SLC4A5: variants seen among roughly 807,000 people sequenced by gnomAD.
SLC4A5 encodes electrogenic sodium bicarbonate cotransporter 4.
A neutral mutation model predicts 120.4 loss-of-function variants in SLC4A5; 96 were observed. The ratio of observed to expected loss-of-function variants is 0.80; its 90% CI spans 0.68 to 0.94. The LOEUF (loss-of-function observed/expected upper bound fraction) is 0.94, where lower values mean the gene tolerates loss of function less well. Among genes scored for constraint, SLC4A5 ranks in the 40% least tolerant of loss-of-function variants. SLC4A5 has a pLI of 0.00. For synonymous variants in SLC4A5, 550 were observed against 571.1 expected (o/e 0.96, Z 0.53); for missense variants, 1,259 against 1,459.5 (o/e 0.86, Z 2.24).
At chr2:74,342,768 C>T (rs1474478617) in intron 1 of SLC4A5, among the ~76,000 whole-genome samples, 3 of 152,166 alleles carry the variant, frequency 2.0e-5, no homozygotes, top group Non-Finnish European at 2.9e-5. Flanking sequence ...TCCCTAAAGA[C>T]CTCAAGAAAC....
chr2:74,312,665 G>A (rs1672843197), intron 6 of SLC4A5, among the ~76,000 whole-genome samples: 1 of 152,170 alleles, frequency 6.6e-6, no homozygotes, highest in Non-Finnish European at 1.5e-5. Context: ...GGGTGCAGTG[G>A]CTCATGCCTG....
At chr2:74,283,363 G>A (rs931325755) in intron 8 of SLC4A5, among the ~76,000 whole-genome samples, 3 of 152,292 alleles carry the variant, frequency 2.0e-5, no homozygotes, top group Middle Eastern at 3.4e-3. Flanking sequence ...GCCGTGAATC[G>A]ATCAGCACCG....
intron 18 of SLC4A5, among the ~76,000 whole-genome samples, chr2:74,247,519 T>C (rs925499615): frequency 7.0e-6 from 1 of 142,584 alleles, no homozygotes; most frequent in Non-Finnish European, 1.5e-5. Context: ...TTATAAGAAC[T>C]TTTTTTTTTT....
chr2:74,227,614 G>C lies in SLC4A5; in HGVS notation c.2916+196C>G, dbSNP rs77163905. Reference sequence around the variant, plus strand: ...TAATTACATAGATTCAATTATATGAGGCCTATGAAGTGCCTAACATATTTA... The same window carrying C: ...TAATTACATAGATTCAATTATATGACGCCTATGAAGTGCCTAACATATTTA... On this transcript the variant is annotated intron_variant, in intron 26 of 30. Transcript: ENST00000394019. The C allele has an allele frequency of 1.7e-4, 242 of 1,422,828 alleles. 1 individual carries two copies. In the East Asian group the frequency reaches 5.4e-3, roughly 31 times the overall value. 88.1% of individuals were successfully genotyped at this position (1,422,828 alleles called of 1,614,324 possible). A position where few individuals can be genotyped will look rare whatever the true frequency, so the allele number is the denominator to read the frequency against.
At chr2:74,248,184 G>T (rs531302001) in intron 18 of SLC4A5, among the ~76,000 whole-genome samples, 169 bp downstream of exon 18, 3 of 152,334 alleles carry the variant, frequency 2.0e-5, no homozygotes, top group African/African-American at 7.2e-5. Context: ...TTAAAGGCAG[G>T]TAGCTGGCAG....
Position 74,264,995 on chromosome 2 carries a change from G to T in SLC4A5, c.562+109C>A, listed in dbSNP as rs916994692. On this transcript the variant is annotated intron_variant, in intron 9 of 30. Coordinates refer to ENST00000394019, the Ensembl canonical transcript of SLC4A5. Reference sequence around the variant, plus strand: ...TCAAAGCTGGTCTCTGCAGAATCAGGTGTCAGAGACGGGCCGTCACACAGA... The same window carrying T: ...TCAAAGCTGGTCTCTGCAGAATCAGTTGTCAGAGACGGGCCGTCACACAGA... 17 of 1,235,342 alleles carry T rather than the reference G, an allele frequency of 1.4e-5. No homozygotes were observed. In the African/African-American group the frequency reaches 2.1e-4, roughly 15 times the overall value. 76.5% of individuals were successfully genotyped at this position (1,235,342 alleles called of 1,614,324 possible). A position where few individuals can be genotyped will look rare whatever the true frequency, so the allele number is the denominator to read the frequency against.
chr2:74,232,216 G>C (rs915362206), intron 24 of SLC4A5, among the ~76,000 whole-genome samples: 3 of 152,144 alleles, frequency 2.0e-5, no homozygotes, highest in African/African-American at 7.2e-5. Flanking sequence ...ATGAGTGTCT[G>C]GCACGTGTGC....
In SLC4A5 at chr2:74,255,642, G is replaced by T. The variant is rs1176342773; in HGVS notation, c.1025+133C>A. The T allele has an allele frequency of 3.8e-6, 4 of 1,061,556 alleles. No individual in the cohort carries two copies. The highest frequency in any genetic ancestry group is 5.4e-6 in the Non-Finnish European group (4 of 744,624). 65.8% of individuals were successfully genotyped at this position (1,061,556 alleles called of 1,614,324 possible). ...CTCTAAAACTCTTCCCTAGTCAGAA[G>T]ATTTCCCTTCCCAGCAGCCTCCACG... On this transcript the variant is annotated intron_variant, in intron 13 of 30. Transcript: ENST00000394019. The surrounding 1 kb of genome is among the most constrained non-coding windows in gnomAD (Gnocchi z 4.0).
intron 15 of SLC4A5, 89 bp downstream of exon 15, chr2:74,252,885 G>A: frequency 2.0e-6 from 3 of 1,478,376 alleles, no homozygotes; most frequent in Non-Finnish European, 2.8e-6. Flanking sequence ...ACTATGCTGA[G>A]CCTCAGATGT....
At chr2:74,337,191 T>A (rs1006612020) in intron 3 of SLC4A5, among the ~76,000 whole-genome samples, 2 of 152,082 alleles carry the variant, frequency 1.3e-5, no homozygotes, top group Non-Finnish European at 2.9e-5. Flanking sequence ...TCTGTGGATC[T>A]GAGAGCAGGG....
chr2:74,325,566 G>T (rs184405331), intron 5 of SLC4A5, among the ~76,000 whole-genome samples: 2 of 152,238 alleles, frequency 1.3e-5, no homozygotes, highest in African/African-American at 4.8e-5. Flanking sequence ...CAACTATACT[G>T]CCCACCATAA....
chr2:74,219,963 G>C (rs944630190), intron 30 of SLC4A5, among the ~76,000 whole-genome samples: 5 of 152,130 alleles, frequency 3.3e-5, no homozygotes, highest in Non-Finnish European at 7.3e-5. Flanking sequence ...TGGGATAGCA[G>C]CTTTGCCTTA....
chr2:74,265,594 C>T (rs1463477342), intron 8 of SLC4A5, among the ~76,000 whole-genome samples: 1 of 152,166 alleles, frequency 6.6e-6, no homozygotes, highest in Non-Finnish European at 1.5e-5. Context: ...AGTACACTTA[C>T]AATTAGAGAA....
chr2:74,324,466 AT>A (rs1673172009), intron 5 of SLC4A5, among the ~76,000 whole-genome samples: 1 of 152,188 alleles, frequency 6.6e-6, no homozygotes, highest in Admixed American at 6.5e-5. Context: ...AGAGTGCCTG[AT>A]TCCATAGCTC....
In SLC4A5 at chr2:74,235,008, G is replaced by A. The variant is rs547822430; in HGVS notation, c.2433+93C>T. The A allele has an allele frequency of 4.2e-5, 42 of 989,498 alleles. No individual in the cohort carries two copies. In the African/African-American group the frequency reaches 5.5e-4, roughly 13 times the overall value. The allele number at this position is 989,498 out of a possible 1,614,324, so 61.3% of individuals were successfully genotyped here. A position where few individuals can be genotyped will look rare whatever the true frequency, so the allele number is the denominator to read the frequency against. ...AGAACTAAAATGGTCTCTTGGCCAA[G>A]AGGAGAAGAGAGTTTGATCAGCACA... On this transcript the variant is annotated intron_variant, in intron 22 of 30. Transcript: ENST00000394019.
At chr2:74,282,679 C>T (rs113066579) in intron 8 of SLC4A5, among the ~76,000 whole-genome samples, 8 of 152,318 alleles carry the variant, frequency 5.3e-5, no homozygotes, top group African/African-American at 1.9e-4. Flanking sequence ...GTGTGGTTTG[C>T]CTTTGGTGAT....
At chr2:74,288,609 G>T (rs1012837670) in intron 7 of SLC4A5, among the ~76,000 whole-genome samples, 1 of 151,922 alleles carries the variant, frequency 6.6e-6, no homozygotes, top group African/African-American at 2.4e-5. Flanking sequence ...TCTTGATCTT[G>T]CCCAGGATTC....
chr2:74,233,736 T>C (rs1031243923), intron 22 of SLC4A5, among the ~76,000 whole-genome samples, 173 bp from the exon 23 acceptor site: 2 of 152,140 alleles, frequency 1.3e-5, no homozygotes, highest in South Asian at 2.1e-4. Flanking sequence ...AATTCAGACA[T>C]GGGAAGGAGC....
Position 74,221,506 on chromosome 2 carries a change from C to G in SLC4A5, c.3332-5G>C. 1.2e-6 allele frequency: 2 copies of G among 1,614,046 alleles called. No homozygotes were observed. The highest frequency in any genetic ancestry group is 1.7e-6 in the Non-Finnish European group (2 of 1,179,922). The stretch of plus-strand genomic sequence containing the variant: ...TCCAACTGGAAGATCTTTTTCCTGG[C>G]AGGAAAATGAAAAATGTCAGATGTG... On this transcript the variant is annotated splice_region_variant and splice_polypyrimidine_tract_variant and intron_variant, in intron 29 of 30. Coordinates refer to ENST00000394019, the Ensembl canonical transcript of SLC4A5.
Sources: gnomAD v4.1 joint callset for allele counts (sites outside exome capture counted in the v4.1 genomes callset) on GRCh38, gnomAD v4.1.1 for gene constraint, Gnocchi (gnomAD v3.1) non-coding constraint, MANE v1.5 for transcripts, NCBI Gene and HGNC (gene_info 2026-07-23, HGNC 2026-07-21) for gene names.